Variants in CFAP54 observed in about 807,000 individuals in gnomAD.
CFAP54 encodes cilia and flagella associated protein 54, also known as cilia- and flagella-associated protein 54.
CFAP54 carries 290 observed loss-of-function variants against 370.4 expected under a neutral mutation model. The ratio of observed to expected loss-of-function variants is 0.78; its 90% CI spans 0.71 to 0.86. The LOEUF (loss-of-function observed/expected upper bound fraction) is 0.86. CFAP54 is among the 40% of genes least tolerant of loss of function. The probability of loss-of-function intolerance (pLI) is 0.00; values close to 1 mark genes in which losing one functional copy is unlikely to be tolerated. For synonymous variants in CFAP54, 1,206 were observed against 1,236.5 expected, an observed-to-expected ratio of 0.98 and a Z score of 0.52; for missense variants, 3,399 against 3,528.7, an observed-to-expected ratio of 0.96 and a Z score of 0.93.
intron 67 of CFAP54, among the ~76,000 whole-genome samples, chr12:96,874,843 T>C (rs1291121715): frequency 6.6e-6 from 1 of 151,734 alleles, no homozygotes; most frequent in African/African-American, 2.4e-5. Context: ...GGTCTCGATC[T>C]CCTGACCTCG....
intron 58 of CFAP54, among the ~76,000 whole-genome samples, chr12:96,761,566 A>T (rs1958339571): frequency 2.0e-5 from 3 of 151,914 alleles, no homozygotes; most frequent in Admixed American, 2.0e-4. Flanking sequence ...CTAACTGCAG[A>T]TGTTGAAGAT....
At chr12:96,861,598 T>C (rs1959881340) in intron 67 of CFAP54, among the ~76,000 whole-genome samples, 1 of 152,214 alleles carries the variant, frequency 6.6e-6, no homozygotes, top group Admixed American at 6.5e-5. Context: ...TTTAGAATTG[T>C]ATAGACCTGG....
intron 15 of CFAP54, 38 bp downstream of exon 15, chr12:96,548,016 C>G: frequency 1.1e-6 from 1 of 878,504 alleles, no homozygotes; most frequent in Non-Finnish European, 1.7e-6. Flanking sequence ...GTGAAACATG[C>G]AATTTTATTT....
chr12:96,830,604 C>T (rs541302988), intron 66 of CFAP54, among the ~76,000 whole-genome samples: 5 of 152,250 alleles, frequency 3.3e-5, no homozygotes, highest in African/African-American at 1.2e-4. Flanking sequence ...AAATGTGGCA[C>T]CAACATTTCT....
intron 60 of CFAP54, among the ~76,000 whole-genome samples, chr12:96,765,843 A>G (rs913861401): frequency 4.6e-5 from 7 of 152,270 alleles, no homozygotes; most frequent in African/African-American, 1.4e-4. Flanking sequence ...ATAGTAAACT[A>G]TAATATAAAC....
chr12:96,596,610 C>T (rs185805695), intron 25 of CFAP54, among the ~76,000 whole-genome samples: 1 of 152,060 alleles, frequency 6.6e-6, no homozygotes, highest in African/African-American at 2.4e-5. Context: ...AAAGCAAAAA[C>T]TTTAGGAAAA....
chr12:96,822,375 G>A (rs1959043520), intron 65 of CFAP54, among the ~76,000 whole-genome samples: 1 of 152,164 alleles, frequency 6.6e-6, no homozygotes, highest in Admixed American at 6.5e-5. Context: ...TGAAATGCCT[G>A]ATTGTAAGAC....
At chr12:96,664,327 A>G (rs544050282) in intron 39 of CFAP54, among the ~76,000 whole-genome samples, 1 of 151,812 alleles carries the variant, frequency 6.6e-6, no homozygotes, top group African/African-American at 2.4e-5. Context: ...ATTCTCTTCT[A>G]TGTGTCCATG....
chr12:96,810,258 A>G (rs957463254), intron 63 of CFAP54, among the ~76,000 whole-genome samples: 1 of 152,090 alleles, frequency 6.6e-6, no homozygotes, highest in Non-Finnish European at 1.5e-5. Flanking sequence ...CTTTCTGCTG[A>G]GTCAGCTTTG....
chr12:96,502,234 GAAA>G, intron 2 of CFAP54, among the ~76,000 whole-genome samples: 1 of 151,954 alleles, frequency 6.6e-6, no homozygotes, highest in African/African-American at 2.4e-5. Context: ...AAGGAACAAA[GAAA>G]AAGTTTTATC....
chr12:96,651,472 C>G lies in CFAP54; in HGVS notation c.4873-116C>G, dbSNP rs941015871. The stretch of plus-strand genomic sequence containing the variant: ...GTCTAACTCATGTAAGTGACCCTAA[C>G]AAATGATGTTAGTTATTTTTACTAT... On this transcript the variant is annotated intron_variant, in intron 35 of 67. Transcript: ENST00000524981. 5.0e-6 allele frequency: 4 copies of G among 795,300 alleles called. No homozygotes were observed. In the African/African-American group the frequency reaches 7.0e-5, roughly 14 times the overall value. 49.3% of individuals were successfully genotyped at this position (795,300 alleles called of 1,614,324 possible). A position where few individuals can be genotyped will look rare whatever the true frequency, so the allele number is the denominator to read the frequency against.
chr12:96,716,053 A>T (rs1488325277), intron 48 of CFAP54, among the ~76,000 whole-genome samples: 1 of 151,012 alleles, frequency 6.6e-6, no homozygotes, highest in Non-Finnish European at 1.5e-5. Context: ...TTCACATCCA[A>T]CTCCTGATTT....
rs889486639 is a variant in CFAP54, at chr12:96,729,160, G to T, written c.6965+8595G>T. Among the ~76,000 whole-genome samples the T allele has an allele frequency of 5.9e-5, 9 of 152,300 alleles. 1 individual carries two copies. The highest frequency in any genetic ancestry group is 2.1e-4 in the South Asian group (1 of 4,824). On this transcript the variant is annotated intron_variant, in intron 50 of 67. Coordinates refer to ENST00000524981, the MANE Select transcript of CFAP54 (RefSeq NM_001306084.2). Reference sequence around the variant, plus strand: ...ACCCACTTGAGGAGGCAGTCTGCCCGTTCTCAGATCTCCAGCTGCGTGCTG... The same window carrying T: ...ACCCACTTGAGGAGGCAGTCTGCCCTTTCTCAGATCTCCAGCTGCGTGCTG...
At chr12:96,653,031 C>T (rs779884598) in intron 36 of CFAP54, among the ~76,000 whole-genome samples, 5 of 152,156 alleles carry the variant, frequency 3.3e-5, no homozygotes, top group African/African-American at 7.2e-5. Flanking sequence ...TTGATAAACA[C>T]GTTGATGTGT....
At chr12:96,784,937 C>T in intron 61 of CFAP54, 47 bp downstream of exon 61, 1 of 1,275,642 alleles carries the variant, frequency 7.8e-7, no homozygotes, top group Admixed American at 3.2e-5. Flanking sequence ...TTTCTAATTC[C>T]CATTTAAGTC....
intron 50 of CFAP54, among the ~76,000 whole-genome samples, chr12:96,726,713 G>T (rs1957844396): frequency 6.6e-6 from 1 of 152,188 alleles, no homozygotes; most frequent in South Asian, 2.1e-4. Flanking sequence ...CTTGCCTTCT[G>T]CTAGCTTTTG....
intron 56 of CFAP54, among the ~76,000 whole-genome samples, chr12:96,755,865 A>G (rs1326502512): frequency 1.3e-5 from 2 of 151,778 alleles, no homozygotes; most frequent in Non-Finnish European, 2.9e-5. Context: ...ATGGCGTTTC[A>G]CCATGTTGGG....
intron 60 of CFAP54, among the ~76,000 whole-genome samples, chr12:96,777,529 A>G (rs138683931): frequency 6.6e-6 from 1 of 151,992 alleles, no homozygotes; most frequent in Admixed American, 6.6e-5. Flanking sequence ...TTGTATTTTT[A>G]GTAGAGACGG....
At chr12:96,864,494 G>A (rs145157624) in intron 67 of CFAP54, among the ~76,000 whole-genome samples, 19 of 152,230 alleles carry the variant, frequency 1.2e-4, no homozygotes, top group African/African-American at 3.1e-4. Flanking sequence ...CAACGTGTTC[G>A]TCACAGAACT....
Sources: allele counts gnomAD v4.1 joint callset (sites outside exome capture counted in the v4.1 genomes callset), GRCh38; gene constraint gnomAD v4.1.1; transcripts MANE v1.5; gene names NCBI Gene and HGNC (gene_info 2026-07-23, HGNC 2026-07-21).